The following RYR1 variants were observed in gnomAD, a reference collection of about 807,000 sequenced individuals.
RYR1 encodes central core disease of muscle.
A neutral mutation model predicts 583.5 loss-of-function variants in RYR1; 342 were observed. The ratio of observed to expected loss-of-function variants is 0.59; its 90% CI spans 0.54 to 0.64. The LOEUF is 0.64. Among genes scored for constraint, RYR1 ranks in the 30% least tolerant of loss-of-function variants. The pLI, the probability that RYR1 is intolerant of heterozygous loss-of-function variation, is 0.00. For synonymous variants in RYR1, 2,791 were observed against 2,822.5 expected (o/e 0.99, Z 0.35); for missense variants, 6,032 against 6,917.2 (o/e 0.87, Z 4.54).
At chr19:38,574,764 A>G (rs1032617857) in intron 96 of RYR1, among the ~76,000 whole-genome samples, 3 of 152,166 alleles carry the variant, frequency 2.0e-5, no homozygotes, top group African/African-American at 7.2e-5. Context: ...GGCTGGGCAC[A>G]GTGGCTCACA....
At position 38,565,180 on chromosome 19, in the gene RYR1, C is replaced by T. The variant is rs1184700540; in HGVS notation, c.12846C>T (p.Leu4282=). The change falls in exon 91 of 106, where the codon CTC becomes CTT. Residue 4282 remains leucine (L), a synonymous_variant. Transcript: ENST00000359596. The surrounding 1 kb of genome is among the most constrained non-coding windows in gnomAD (Gnocchi z 4.7). ...AEGAEEGAAG[L]EGTAATAAAG... is the part of the protein sequence containing the mutation. ...GCGCGGAGGAGGGCGCGGCGGGGCT[C>T]GAGGGCACGGCGGCCACGGCGGCGG... 8.6e-7 allele frequency: 1 copy of T among 1,167,132 alleles called. No homozygotes were observed. Among genetic ancestry groups the T allele is most frequent in the South Asian group, 3.3e-5 (1 of 30,532 alleles). The allele number at this position is 1,167,132 out of a possible 1,614,324, so 72.3% of individuals were successfully genotyped here.
At chr19:38,497,101 G>A (rs1969869884) in intron 42 of RYR1, 147 bp downstream of exon 42, 1 of 710,292 alleles carries the variant, frequency 1.4e-6, no homozygotes, top group South Asian at 1.5e-5. Context: ...AATTTGCAGG[G>A]AGAGAACGGC....
intron 93 of RYR1, among the ~76,000 whole-genome samples, chr19:38,569,890 G>A (rs776420566): frequency 1.3e-5 from 2 of 152,174 alleles, no homozygotes; most frequent in Admixed American, 6.6e-5. Context: ...GAGGCCAGCC[G>A]AGGTGGCTCA....
intron 58 of RYR1, 29 bp downstream of exon 58, chr19:38,507,856 C>CA: frequency 2.1e-6 from 3 of 1,398,716 alleles, no homozygotes; most frequent in East Asian, 2.3e-5. Flanking sequence ...CGCTTATGCC[C>CA]GCCCCACCTG....
chr19:38,567,678 G>A (rs117779472), intron 92 of RYR1, 95 bp from the exon 93 acceptor site: 38,503 of 1,590,322 alleles, frequency 0.024, 538 homozygotes, highest in Middle Eastern at 0.029. Flanking sequence ...CCTGGGCCAG[G>A]CACAGGGCGG....
Position 38,446,724 on chromosome 19 carries a change from C to T in RYR1, c.756C>T (p.Cys252=), listed in dbSNP as rs896475249. 6.2e-7 allele frequency: 1 copy of T among 1,613,928 alleles called. No individual in the cohort carries two copies. Among genetic ancestry groups the T allele is most frequent in the Non-Finnish European group, 8.5e-7 (1 of 1,179,922 alleles). The change falls in exon 9 of 106, where the codon TGC becomes TGT. Residue 252 remains cysteine, a synonymous_variant. Coordinates refer to ENST00000359596, the MANE Select transcript of RYR1 (RefSeq NM_000540.3). ...RLVYYEGGAV[C]THARSLWRLE... ...TCTACTATGAGGGGGGAGCTGTGTG[C>T]ACTCATGCCCGCTCCCTCTGGAGGC...
intron 69 of RYR1, chr19:38,523,575 C>T: frequency 1.7e-6 from 1 of 604,300 alleles, no homozygotes. Context: ...TATCTTCTCC[C>T]TCCTCCCATT....
chr19:38,456,210 C>T (rs1320068670), intron 16 of RYR1, among the ~76,000 whole-genome samples: 1 of 148,162 alleles, frequency 6.7e-6, no homozygotes, highest in East Asian at 2.0e-4. Context: ...CTCTTGGCTT[C>T]ATGATCCGTC....
chr19:38,565,304 ACGGCCCGCGAGG>A lies in RYR1; in HGVS notation c.12976_12987del (p.Arg4326_Ala4329del). On this transcript the variant is annotated inframe_deletion, in exon 91 of 106. Transcript: ENST00000359596. The surrounding 1 kb of genome is among the most constrained non-coding windows in gnomAD (Gnocchi z 4.7). Reference sequence around the variant, plus strand: ...GCGCGTGCGGCGGCTGCGGCGGCTTACGGCCCGCGAGGCGGCCACCGCAGTGGCGGCGCTGCT... The same window carrying A: ...GCGCGTGCGGCGGCTGCGGCGGCTTACGGCCACCGCAGTGGCGGCGCTGCT... 9.1e-7 allele frequency: 1 copy of A among 1,097,150 alleles called. No individual in the cohort carries two copies. Among genetic ancestry groups the A allele is most frequent in the Non-Finnish European group, 1.1e-6 (1 of 903,032 alleles). 68.0% of individuals were successfully genotyped at this position (1,097,150 alleles called of 1,614,324 possible).
chr19:38,527,951 G>A, intron 73 of RYR1, 167 bp downstream of exon 73: 1 of 745,698 alleles, frequency 1.3e-6, no homozygotes, highest in East Asian at 2.7e-5. Flanking sequence ...TCGGGGGAGG[G>A]GTCTGCTGCT....
At chr19:38,460,313 C>T in intron 19 of RYR1, 62 bp from the exon 20 acceptor site, 1 of 1,480,920 alleles carries the variant, frequency 6.8e-7, no homozygotes, top group Non-Finnish European at 9.4e-7. Flanking sequence ...ATGTCCCCCA[C>T]TGACCACAGA....
In RYR1 at chr19:38,499,815, G is replaced by T. The variant is rs749136416; in HGVS notation, c.7208G>T (p.Arg2403Leu). 6.2e-7 allele frequency: 1 copy of T among 1,606,144 alleles called. No individual in the cohort carries two copies. The change falls in exon 44 of 106, where the codon CGC becomes CTC. Residue 2403 changes from arginine to leucine, a missense_variant. By Grantham distance (102) the Arg-to-Leu change is moderately radical (BLOSUM62 -2). This residue lies in a region of RYR1 where 2,627 missense variants were observed against 2,961.3 expected (regional missense o/e 0.89). Transcript: ENST00000359596. This position sits in a 1 kb window ranked among gnomAD's most constrained non-coding sequence, Gnocchi z 7.3. The stretch of plus-strand genomic sequence containing the variant: ...CCAGGCATCCGCAGGGACCGGCGGC[G>T]CGAGCAGTGAGTCTCCCGGCCCCCT... Reference protein sequence around the residue: ...DGPGIRRDRRREHFGEEPPEE... With the variant: ...DGPGIRRDRRLEHFGEEPPEE...
chr19:38,576,643 C>T (rs1361557477), intron 97 of RYR1, among the ~76,000 whole-genome samples: 1 of 151,924 alleles, frequency 6.6e-6, no homozygotes, highest in Admixed American at 6.6e-5. Flanking sequence ...AAAACTGCAT[C>T]TCTACTAAAA....
At chr19:38,531,993 G>A (rs948730620) in intron 76 of RYR1, among the ~76,000 whole-genome samples, 2 of 152,140 alleles carry the variant, frequency 1.3e-5, no homozygotes, top group African/African-American at 2.4e-5. Flanking sequence ...TGTCATCATG[G>A]CCACACAGAT....
chr19:38,523,954 C>A, intron 70 of RYR1, 25 bp downstream of exon 70: 3 of 1,613,586 alleles, frequency 1.9e-6, no homozygotes, highest in South Asian at 1.1e-5. Flanking sequence ...TGGGACCTTC[C>A]GCATGTCTCT....
intron 34 of RYR1, among the ~76,000 whole-genome samples, chr19:38,487,195 T>C (rs964718795): frequency 6.6e-6 from 1 of 152,098 alleles, no homozygotes; most frequent in Non-Finnish European, 1.5e-5. Flanking sequence ...CATTCATATG[T>C]ACGTACACCC....
intron 101 of RYR1, among the ~76,000 whole-genome samples, chr19:38,582,920 C>T (rs1974279968): frequency 6.6e-6 from 1 of 152,156 alleles, no homozygotes; most frequent in Non-Finnish European, 1.5e-5. Context: ...CCTCGCTGCC[C>T]ACAGCCTCGT....
rs750357918 is a variant in RYR1 at position 38,443,744 on chromosome 19, C to T, written c.372C>T (p.Arg124=). ...ATCTGAGCTGCCTCACCACCTCCCGCTCCATGACTGACAAGCTGGCCTTCG... is the reference window on the plus strand; with the variant it reads ...ATCTGAGCTGCCTCACCACCTCCCGTTCCATGACTGACAAGCTGGCCTTCG... ...RMYLSCLTTS[R]SMTDKLAFDV... The change falls in exon 5 of 106, where the codon CGC becomes CGT. Residue 124 remains arginine, a synonymous_variant. Transcript: ENST00000359596. The T allele has an allele frequency of 9.9e-6, 16 of 1,614,146 alleles. No homozygotes were observed. The highest frequency in any genetic ancestry group is 1.3e-5 in the African/African-American group (1 of 75,042).
chr19:38,504,475 A>G (rs921857975), intron 50 of RYR1, 115 bp downstream of exon 50: 2 of 1,362,352 alleles, frequency 1.5e-6, no homozygotes, highest in African/African-American at 2.9e-5. Flanking sequence ...AAGGTTCTGC[A>G]AGTTTGGATC....
Sources: gnomAD v4.1 joint callset for allele counts (sites outside exome capture counted in the v4.1 genomes callset) on GRCh38, gnomAD v4.1.1 for gene constraint, gnomAD v4.1.1 regional missense constraint, Gnocchi (gnomAD v3.1) non-coding constraint, MANE v1.5 for transcripts, NCBI Gene and HGNC (gene_info 2026-07-23, HGNC 2026-07-21) for gene names.